DMC1: variants seen among roughly 807,000 people sequenced by gnomAD.
DMC1 encodes the protein meiotic recombination protein DMC1 homolog.
A neutral mutation model predicts 50.1 loss-of-function variants in DMC1; 27 were observed. That is an observed-to-expected ratio of 0.54 (90% confidence interval 0.40 to 0.74). The LOEUF (loss-of-function observed/expected upper bound fraction) is 0.74. Among genes scored for constraint, DMC1 ranks in the 30% least tolerant of loss-of-function variants. The probability of loss-of-function intolerance (pLI) is 0.00; values close to 1 mark genes in which losing one functional copy is unlikely to be tolerated. For missense variants in DMC1, 295 were observed against 420.2 expected (o/e 0.70, Z 2.60); for synonymous variants, 148 against 136.1 (o/e 1.09, Z -0.61).
intron 13 of DMC1, among the ~76,000 whole-genome samples, chr22:38,520,638 G>A (rs113627224): frequency 8.5e-5 from 13 of 152,076 alleles, no homozygotes; most frequent in African/African-American, 2.4e-4. Context: ...GATTACAGGC[G>A]TGAGCCACTG....
chr22:38,534,675 C>A (rs1438907046), intron 12 of DMC1, among the ~76,000 whole-genome samples: 2 of 150,362 alleles, frequency 1.3e-5, no homozygotes, highest in African/African-American at 2.5e-5. Context: ...TGCACTCCAG[C>A]CTGAGTGACA....
intron 12 of DMC1, among the ~76,000 whole-genome samples, chr22:38,528,099 T>C (rs887414622): frequency 6.6e-6 from 1 of 151,010 alleles, no homozygotes; most frequent in Admixed American, 6.6e-5. Context: ...TCTCACTCTG[T>C]CACCCAGGCT....
intron 12 of DMC1, among the ~76,000 whole-genome samples, chr22:38,534,404 C>CA (rs1347546146): frequency 1.3e-5 from 2 of 151,938 alleles, no homozygotes; most frequent in Non-Finnish European, 2.9e-5. Context: ...AATGGTTCAC[C>CA]AAAAAATACA....
At chr22:38,526,866 G>C (rs937817062) in intron 12 of DMC1, among the ~76,000 whole-genome samples, 1 of 152,034 alleles carries the variant, frequency 6.6e-6, no homozygotes, top group Non-Finnish European at 1.5e-5. Context: ...CTACATTTTC[G>C]TTATCAATAA....
chr22:38,548,013 A>G (rs1262968205), intron 8 of DMC1, among the ~76,000 whole-genome samples: 2 of 152,038 alleles, frequency 1.3e-5, no homozygotes, highest in African/African-American at 4.8e-5. Flanking sequence ...ATTGCTGACA[A>G]CTCATCGTCT....
chr22:38,562,286 C>A lies in DMC1; in HGVS notation c.326+1G>T. On this transcript the variant is annotated splice_donor_variant, in intron 5 of 13. Coordinates refer to ENST00000216024, the MANE Select transcript of DMC1 (RefSeq NM_007068.4). LOFTEE classifies it high-confidence loss of function. The stretch of plus-strand genomic sequence containing the variant: ...TGATTATAAAAAAGTAAGATACATA[C>A]TCAAATTCCTGGCTCCCGGTGGTGA... 2 of 1,596,424 alleles carry A rather than the reference C, an allele frequency of 1.3e-6. No homozygotes were observed. Among genetic ancestry groups the A allele is most frequent in the Non-Finnish European group, 1.7e-6 (2 of 1,164,302 alleles).
downstream of DMC1, among the ~76,000 whole-genome samples, chr22:38,515,222 A>G (rs1430829939): frequency 2.6e-5 from 4 of 151,000 alleles, no homozygotes; most frequent in Non-Finnish European, 5.9e-5. Flanking sequence ...TCACGCCTGT[A>G]ATCGCAGCAC....
At chr22:38,527,386 G>A (rs1444849251) in intron 12 of DMC1, among the ~76,000 whole-genome samples, 3 of 151,760 alleles carry the variant, frequency 2.0e-5, no homozygotes, top group Non-Finnish European at 4.4e-5. Context: ...TATATTTTCA[G>A]TAGAGACAGA....
intron 8 of DMC1, among the ~76,000 whole-genome samples, chr22:38,544,047 A>C (rs2090315927): frequency 6.6e-6 from 1 of 152,170 alleles, no homozygotes; most frequent in Admixed American, 6.6e-5. Flanking sequence ...CCTTTTATAG[A>C]AGTAAAATTG....
At chr22:38,531,183 T>A (rs986737277) in intron 12 of DMC1, among the ~76,000 whole-genome samples, 5 of 152,332 alleles carry the variant, frequency 3.3e-5, no homozygotes, top group Middle Eastern at 3.4e-3. Context: ...GGCAACATCA[T>A]GGTCTTATTT....
downstream of DMC1, among the ~76,000 whole-genome samples, chr22:38,518,036 G>C (rs2089988299): frequency 6.6e-6 from 1 of 150,552 alleles, no homozygotes; most frequent in Non-Finnish European, 1.5e-5. Context: ...GCAGTGGCAT[G>C]ATCTCAGCTC....
At chr22:38,544,072 T>C (rs1468814535) in intron 8 of DMC1, among the ~76,000 whole-genome samples, 2 of 152,072 alleles carry the variant, frequency 1.3e-5, no homozygotes, top group East Asian at 1.9e-4. Context: ...GCTGAGAAAA[T>C]ATTTGCAAAC....
At chr22:38,568,463 GTGTGTGTGTGCA>G (rs978798326) in intron 1 of DMC1, 174 bp from the exon 2 acceptor site, 4 of 604,572 alleles carry the variant, frequency 6.6e-6, no homozygotes, top group African/African-American at 2.0e-5. Flanking sequence ...GTGTGTGTGT[GTGTGTGTGTGCA>G]TGTGTGTGTG....
intron 1 of DMC1, among the ~76,000 whole-genome samples, chr22:38,568,622 G>A (rs111671662): frequency 2.0e-5 from 3 of 152,288 alleles, no homozygotes; most frequent in African/African-American, 7.2e-5. Context: ...TGCCTTGAAT[G>A]TTATTTAGAA....
chr22:38,515,413 G>T (rs2089969803), downstream of DMC1, among the ~76,000 whole-genome samples: 1 of 149,042 alleles, frequency 6.7e-6, no homozygotes, highest in Admixed American at 6.7e-5. Context: ...GGAGGCGGAG[G>T]TTGCAATGAG....
chr22:38,556,689 G>A (rs2090472167), intron 5 of DMC1, among the ~76,000 whole-genome samples: 1 of 152,174 alleles, frequency 6.6e-6, no homozygotes, highest in African/African-American at 2.4e-5. Flanking sequence ...TATTAATTGT[G>A]TTAATTGTGC....
At chr22:38,510,675 C>A in the DMC1 span, among the ~76,000 whole-genome samples, 1 of 152,150 alleles carries the variant, frequency 6.6e-6, no homozygotes, top group African/African-American at 2.4e-5. Flanking sequence ...TTCATGTTTT[C>A]ATCTTAGGAT....
At chr22:38,515,175 G>A (rs1216622529), downstream of DMC1, among the ~76,000 whole-genome samples, 1 of 149,668 alleles carries the variant, frequency 6.7e-6, no homozygotes, top group East Asian at 2.1e-4. Context: ...CTGAAGGCAA[G>A]TTTATTAAGA....
At chr22:38,533,508 A>G (rs1477950292) in intron 12 of DMC1, among the ~76,000 whole-genome samples, 4 of 152,264 alleles carry the variant, frequency 2.6e-5, no homozygotes, top group Admixed American at 1.3e-4. Context: ...AGAGAGACAC[A>G]TTCATTTCAA....
Sources: gnomAD v4.1 joint callset for allele counts (sites outside exome capture counted in the v4.1 genomes callset) on GRCh38, gnomAD v4.1.1 for gene constraint, MANE v1.5 for transcripts, NCBI Gene and HGNC (gene_info 2026-07-23, HGNC 2026-07-21) for gene names.